GSDMC: variants seen among roughly 807,000 people sequenced by gnomAD.
GSDMC encodes the protein gasdermin C.
GSDMC carries 59 observed loss-of-function variants against 58.0 expected under a neutral mutation model. The ratio of observed to expected loss-of-function variants is 1.02; its 90% CI spans 0.82 to 1.26. GSDMC has a LOEUF of 1.26. Ranked by LOEUF, GSDMC falls within the 50% of genes most tolerant of loss-of-function variation. The pLI, the probability that GSDMC is intolerant of heterozygous loss-of-function variation, is 0.00. For synonymous variants in GSDMC, 241 were observed against 220.2 expected (o/e 1.09, Z -0.83); for missense variants, 659 against 598.5 (o/e 1.10, Z -1.06).
chr8:129,774,288 A>T (rs1600933), intron 3 of GSDMC, among the ~76,000 whole-genome samples: 30,652 of 152,120 alleles, frequency 0.2, 3,193 homozygotes, highest in African/African-American at 0.23. Context: ...GTGACAAGAA[A>T]AGACAGTGAG....
In GSDMC at chr8:129,776,191, C is replaced by T; in HGVS notation, c.315G>A (p.Val105=). The T allele has an allele frequency of 6.2e-7, 1 of 1,613,882 alleles. No homozygotes were observed. The highest frequency in any genetic ancestry group is 8.5e-7 in the Non-Finnish European group (1 of 1,179,744). Residue 105 remains valine, a synonymous_variant, in exon 3 of 14, where the codon GTG becomes GTA. Coordinates refer to ENST00000276708, the MANE Select transcript of GSDMC (RefSeq NM_031415.3). ...CATGGTCCACAGAGGCCTCCCCTGA[C>T]ACACTCACTTCTATACCAACATTCA... is the stretch of plus-strand genomic sequence containing the variant. ...MGVNVGIEVS[V]SGEASVDHGC... is the part of the protein sequence containing the mutation.
the GSDMC span, among the ~76,000 whole-genome samples, chr8:129,735,971 G>A: frequency 6.6e-6 from 1 of 152,052 alleles, no homozygotes; most frequent in African/African-American, 2.4e-5. Flanking sequence ...TGATAAAGGG[G>A]ATATCACCAA....
the GSDMC span, among the ~76,000 whole-genome samples, chr8:129,717,146 A>AG: frequency 2.0e-5 from 3 of 151,794 alleles, no homozygotes; most frequent in African/African-American, 4.8e-5. Flanking sequence ...TGAGTTAAGG[A>AG]GGAGCCCCTC....
At chr8:129,734,842 G>T in the GSDMC span, among the ~76,000 whole-genome samples, 23 of 152,278 alleles carry the variant, frequency 1.5e-4, no homozygotes, top group Non-Finnish European at 2.6e-4. Flanking sequence ...TGGGCTAAAT[G>T]TTCCAATTAA....
At chr8:129,743,726 A>G (rs75780713), downstream of GSDMC, among the ~76,000 whole-genome samples, 1,679 of 152,322 alleles carry the variant, frequency 0.011, 30 homozygotes, top group African/African-American at 0.039. Context: ...TTATATGCAG[A>G]TCCACTTGAT....
the GSDMC span, among the ~76,000 whole-genome samples, chr8:129,715,022 G>C: frequency 6.6e-6 from 1 of 152,096 alleles, no homozygotes; most frequent in Non-Finnish European, 1.5e-5. Flanking sequence ...TGATGGTAAG[G>C]CGTCTATGCT....
At chr8:129,770,530 T>A (rs908292966) in intron 3 of GSDMC, among the ~76,000 whole-genome samples, 1 of 152,026 alleles carries the variant, frequency 6.6e-6, no homozygotes. Flanking sequence ...CTCAAAAAAA[T>A]TAATCCCCCC....
chr8:129,756,363 AATATTATTAGAGCTAAAGAGAGAG>A (rs1370794869), intron 6 of GSDMC, among the ~76,000 whole-genome samples: 1 of 152,116 alleles, frequency 6.6e-6, no homozygotes, highest in Non-Finnish European at 1.5e-5. Context: ...ATATAAAGCA[AATATTATTAGAGCTAAAGAGAGAG>A]ATATTATTAG....
At chr8:129,734,571 A>G in the GSDMC span, among the ~76,000 whole-genome samples, 1 of 152,214 alleles carries the variant, frequency 6.6e-6, no homozygotes, top group Non-Finnish European at 1.5e-5. Flanking sequence ...ATATCCAGCC[A>G]AACTAAGCTT....
chr8:129,768,363 C>A (rs1161682115), intron 3 of GSDMC, among the ~76,000 whole-genome samples: 1 of 152,076 alleles, frequency 6.6e-6, no homozygotes, highest in East Asian at 1.9e-4. Flanking sequence ...ACAAAGGAAA[C>A]TAATAAAGCT....
chr8:129,761,212 C>T (rs12542856), intron 5 of GSDMC, among the ~76,000 whole-genome samples: 21,751 of 152,112 alleles, frequency 0.14, 1,901 homozygotes, highest in East Asian at 0.31. Context: ...GAGATACATG[C>T]CCAGCAATGT....
the GSDMC span, among the ~76,000 whole-genome samples, chr8:129,742,064 C>T: frequency 6.6e-6 from 1 of 151,412 alleles, no homozygotes. Context: ...TGCATAATCT[C>T]ACTTATATGA....
chr8:129,724,358 A>G, the GSDMC span, among the ~76,000 whole-genome samples: 1 of 152,204 alleles, frequency 6.6e-6, no homozygotes, highest in African/African-American at 2.4e-5. Context: ...TTAAGCCATT[A>G]CGTTTTGGGG....
Position 129,772,081 on chromosome 8 carries a change from G to A in GSDMC, c.404+4021C>T, listed in dbSNP as rs182738883. ...AGATCGAGACCATCCTGGCTAACAC[G>A]GTGAAACTCCGTCTCTACTAAAAAT... On this transcript the variant is annotated intron_variant, in intron 3 of 13. Coordinates refer to ENST00000276708, the MANE Select transcript of GSDMC (RefSeq NM_031415.3). Among the ~76,000 whole-genome samples the A allele has an allele frequency of 9.5e-4, 144 of 152,074 alleles. 1 individual carries two copies. The East Asian group carries it at 0.025, about 27-fold the overall frequency.
At chr8:129,741,915 A>AATATATATATATATAC in the GSDMC span, among the ~76,000 whole-genome samples, 2 of 126,272 alleles carry the variant, frequency 1.6e-5, no homozygotes, top group African/African-American at 7.1e-5. Flanking sequence ...AAGAAAATGT[A>AATATATATATATATAC]ATATATATAT....
At chr8:129,773,829 A>G (rs1054241676) in intron 3 of GSDMC, among the ~76,000 whole-genome samples, 2 of 151,978 alleles carry the variant, frequency 1.3e-5, no homozygotes, top group African/African-American at 4.8e-5. Flanking sequence ...ATCAAAAATA[A>G]TAAAATACTT....
At chr8:129,712,459 G>C in the GSDMC span, among the ~76,000 whole-genome samples, 5 of 152,104 alleles carry the variant, frequency 3.3e-5, no homozygotes, top group Non-Finnish European at 7.4e-5. Context: ...CTAGTTCAGG[G>C]TTACCAGCAG....
chr8:129,734,726 C>T, the GSDMC span, among the ~76,000 whole-genome samples: 1 of 152,104 alleles, frequency 6.6e-6, no homozygotes, highest in Admixed American at 6.5e-5. Context: ...TTGTAAAGAC[C>T]ATTGATGCTA....
intron 4 of GSDMC, among the ~76,000 whole-genome samples, chr8:129,763,057 C>T (rs572792208): frequency 6.6e-6 from 1 of 152,260 alleles, no homozygotes; most frequent in Admixed American, 6.5e-5. Context: ...ATATTAACAT[C>T]CCCATGTTCA....
Sources: allele counts gnomAD v4.1 joint callset (sites outside exome capture counted in the v4.1 genomes callset), GRCh38; gene constraint gnomAD v4.1.1; transcripts MANE v1.5; gene names NCBI Gene and HGNC (gene_info 2026-07-23, HGNC 2026-07-21).